BICD1: variants seen among roughly 807,000 people sequenced by gnomAD.
The protein encoded by BICD1 is BICD cargo adaptor 1, also known as protein bicaudal D homolog 1.
Under a neutral mutation model 92.5 loss-of-function variants are expected in BICD1, and 35 were observed. The ratio of observed to expected loss-of-function variants is 0.38; its 90% CI spans 0.29 to 0.50. BICD1 has a LOEUF of 0.50. BICD1 is among the 20% of genes least tolerant of loss of function. The probability of loss-of-function intolerance (pLI) is 0.93; values close to 1 mark genes in which losing one functional copy is unlikely to be tolerated. For missense variants in BICD1, 950 were observed against 1,189.8 expected (o/e 0.80, Z 2.97); for synonymous variants, 429 against 465.1 (o/e 0.92, Z 1.00).
chr12:32,193,950 A>T (rs1046801310), intron 1 of BICD1, among the ~76,000 whole-genome samples: 1 of 152,190 alleles, frequency 6.6e-6, no homozygotes, highest in African/African-American at 2.4e-5. Flanking sequence ...AAAAGTTCTC[A>T]ACAAAATACC....
At chr12:32,340,908 G>A (rs1487210731) in intron 8 of BICD1, among the ~76,000 whole-genome samples, 2 of 152,120 alleles carry the variant, frequency 1.3e-5, no homozygotes, top group African/African-American at 4.8e-5. Context: ...TTTTTCTCAA[G>A]AGTGAGATCA....
chr12:32,186,735 T>A (rs1159497075), intron 1 of BICD1, among the ~76,000 whole-genome samples: 1 of 151,992 alleles, frequency 6.6e-6, no homozygotes, highest in Non-Finnish European at 1.5e-5. Flanking sequence ...CATTTCTGAA[T>A]TTTTTTCATC....
intron 4 of BICD1, among the ~76,000 whole-genome samples, chr12:32,308,599 TA>T (rs1363166957): frequency 1.3e-5 from 2 of 152,194 alleles, no homozygotes; most frequent in African/African-American, 4.8e-5. Context: ...TATTAACTAT[TA>T]TTTTTGGGCT....
At chr12:32,362,629 T>C (rs898373524) in intron 8 of BICD1, among the ~76,000 whole-genome samples, 14 of 152,246 alleles carry the variant, frequency 9.2e-5, no homozygotes, top group African/African-American at 1.9e-4. Flanking sequence ...ATGACCCTGA[T>C]ATTTTCTAGA....
chr12:32,184,901 C>A (rs1944386478), intron 1 of BICD1, among the ~76,000 whole-genome samples: 1 of 152,152 alleles, frequency 6.6e-6, no homozygotes, highest in Admixed American at 6.5e-5. Context: ...TTGTGGTTTT[C>A]AATATGATAT....
rs369889963 is a variant in BICD1, at chr12:32,127,907, C to CT, written c.213+20377dup. On this transcript the variant is annotated intron_variant, in intron 1 of 9. Coordinates refer to ENST00000652176, the MANE Select transcript of BICD1 (RefSeq NM_001714.4). ...ATCTTATTGGGGCTGTGATCTAATT[C>CT]TTTTTTTTTTTTTTGAGACAGACTC... Among the ~76,000 whole-genome samples the CT allele has an allele frequency of 5.0e-3, 715 of 143,680 alleles. 9 individuals are homozygous for CT. Among genetic ancestry groups the CT allele is most frequent in the East Asian group, 0.015 (72 of 4,934 alleles). 94.3% of individuals were successfully genotyped at this position (143,680 alleles called of 152,430 possible).
At chr12:32,320,871 A>G (rs943153393) in intron 4 of BICD1, among the ~76,000 whole-genome samples, 2 of 140,828 alleles carry the variant, frequency 1.4e-5, no homozygotes, top group African/African-American at 5.2e-5. Context: ...GAAGAGAAAT[A>G]AGACAACTAT....
chr12:32,126,048 C>CAAAAAA (rs61406736), intron 1 of BICD1, among the ~76,000 whole-genome samples: 1 of 51,440 alleles, frequency 1.9e-5, no homozygotes, highest in Non-Finnish European at 4.3e-5. Flanking sequence ...GACTCCATCT[C>CAAAAAA]AAAAAAAAAA....
intron 2 of BICD1, among the ~76,000 whole-genome samples, chr12:32,292,341 T>C (rs1947747813): frequency 6.6e-6 from 1 of 152,230 alleles, no homozygotes; most frequent in Non-Finnish European, 1.5e-5. Flanking sequence ...CAGAAGTATG[T>C]GTCAGTTTCT....
intron 8 of BICD1, among the ~76,000 whole-genome samples, chr12:32,349,076 C>A (rs1215298150): frequency 6.6e-6 from 1 of 152,026 alleles, no homozygotes; most frequent in Non-Finnish European, 1.5e-5. Flanking sequence ...AACAATCTAC[C>A]TGTAACATTC....
intron 1 of BICD1, among the ~76,000 whole-genome samples, chr12:32,175,442 G>A (rs1429494685): frequency 3.9e-5 from 6 of 152,038 alleles, no homozygotes; most frequent in African/African-American, 1.2e-4. Context: ...TCAGCCTCCC[G>A]AGTAGCTGGG....
intron 1 of BICD1, among the ~76,000 whole-genome samples, chr12:32,112,240 A>G (rs775194520): frequency 1.2e-4 from 19 of 152,180 alleles, no homozygotes; most frequent in Non-Finnish European, 2.4e-4. Context: ...TCCCGACCTC[A>G]GGTGATCCGC....
chr12:32,221,339 G>A (rs1297266255), intron 2 of BICD1, among the ~76,000 whole-genome samples: 2 of 142,014 alleles, frequency 1.4e-5, no homozygotes, highest in African/African-American at 5.6e-5. Flanking sequence ...AACGTTATCT[G>A]TATCACAAAA....
At chr12:32,115,822 C>A (rs188325483) in intron 1 of BICD1, among the ~76,000 whole-genome samples, 2 of 152,010 alleles carry the variant, frequency 1.3e-5, no homozygotes, top group Admixed American at 1.3e-4. Flanking sequence ...AGCATAATAC[C>A]TGGCTAGTTT....
chr12:32,107,298 C>A lies in BICD1; in HGVS notation c.-34C>A. The A allele has an allele frequency of 6.5e-7, 1 of 1,549,414 alleles. No homozygotes were observed. Among genetic ancestry groups the A allele is most frequent in the East Asian group, 2.3e-5 (1 of 43,050 alleles). ...CAGCTTCGCATCCATCTCCCCCACC[C>A]CGTAACCCCCTCCTGCCTCCATCCA... On this transcript the variant is annotated 5_prime_UTR_variant, in exon 1 of 10. Transcript: ENST00000652176.
chr12:32,300,434 T>G (rs1269801964), intron 3 of BICD1, among the ~76,000 whole-genome samples: 1 of 151,406 alleles, frequency 6.6e-6, no homozygotes, highest in East Asian at 2.0e-4. Flanking sequence ...ACCTCTGGTC[T>G]AGGCCATCAG....
intron 1 of BICD1, among the ~76,000 whole-genome samples, chr12:32,147,709 A>T (rs930074482): frequency 1.3e-5 from 2 of 152,238 alleles, no homozygotes; most frequent in African/African-American, 4.8e-5. Context: ...GTGATAGTGA[A>T]ATGTCTTCTA....
In BICD1 at chr12:32,261,446, G is replaced by C. The variant is rs1047679825; in HGVS notation, c.427-32548G>C. 3.3e-5 allele frequency among the ~76,000 whole-genome samples: 5 copies of C among 152,130 alleles called. No individual in the cohort carries two copies. In the East Asian group the frequency reaches 9.7e-4, roughly 29 times the overall value. On this transcript the variant is annotated intron_variant, in intron 2 of 9. Transcript: ENST00000652176. ...CTGGTGTTCGTATGCATATAGAATG[G>C]ATGTCTGCATCACATTGTAGGGACA...
intron 3 of BICD1, 150 bp from the exon 4 acceptor site, chr12:32,305,547 C>A (rs1948188778): frequency 3.4e-6 from 2 of 588,752 alleles, no homozygotes; most frequent in African/African-American, 1.9e-5. Flanking sequence ...TCCTATATAA[C>A]TTTAAGGATA....
Sources: allele counts gnomAD v4.1 joint callset (sites outside exome capture counted in the v4.1 genomes callset), GRCh38; gene constraint gnomAD v4.1.1; transcripts MANE v1.5; gene names NCBI Gene and HGNC (gene_info 2026-07-23, HGNC 2026-07-21).